Variants in WDPCP observed in about 807,000 individuals in gnomAD.
The protein encoded by WDPCP is WD repeat containing planar cell polarity effector.
Under a neutral mutation model 93.1 loss-of-function variants are expected in WDPCP, and 71 were observed. The ratio of observed to expected loss-of-function variants is 0.76; its 90% confidence interval spans 0.63 to 0.93. The LOEUF is 0.93. Ranked by LOEUF, WDPCP falls within the 40% of genes least tolerant of loss-of-function variation. The pLI is 0.00. For synonymous variants in WDPCP, 315 were observed against 315.0 expected, an observed-to-expected ratio of 1.00 and a Z score of 0.00; for missense variants, 844 against 887.4, an observed-to-expected ratio of 0.95 and a Z score of 0.62.
intron 15 of WDPCP, among the ~76,000 whole-genome samples, chr2:63,164,653 C>T (rs937181387): frequency 6.6e-6 from 1 of 152,214 alleles, no homozygotes; most frequent in South Asian, 2.1e-4. Flanking sequence ...TTATAAATTA[C>T]CCAGTCTCAG....
At chr2:63,721,821 G>A (rs2103790046) in intron 2 of WDPCP, among the ~76,000 whole-genome samples, 1 of 151,892 alleles carries the variant, frequency 6.6e-6, no homozygotes, top group South Asian at 2.1e-4. Flanking sequence ...TGCCATCTCG[G>A]CTCACTGCAA....
chr2:63,404,359 TGTGC>T lies in WDPCP; in HGVS notation c.1120_1123del (p.Ala374ArgfsTer8). 1 of 1,614,198 alleles carries T rather than the reference TGTGC, an allele frequency of 6.2e-7. No individual in the cohort carries two copies. Among genetic ancestry groups the T allele is most frequent in the Non-Finnish European group, 8.5e-7 (1 of 1,180,020 alleles). On this transcript the variant is annotated frameshift_variant, in exon 10 of 18. Transcript: ENST00000272321. LOFTEE classifies it high-confidence loss of function. ...TATTAATGAAGGCAAAAGTTCAGTC[TGTGC>T]TAAGAGAGTCACTCTACGGTGAGTT...
At chr2:63,297,585 A>G (rs1684968639) in intron 13 of WDPCP, among the ~76,000 whole-genome samples, 1 of 152,188 alleles carries the variant, frequency 6.6e-6, no homozygotes, top group African/African-American at 2.4e-5. Context: ...ACAAAAAAGA[A>G]TAACAAATAT....
chr2:63,799,747 C>T (rs1028742104), intron 2 of WDPCP, among the ~76,000 whole-genome samples: 1 of 152,044 alleles, frequency 6.6e-6, no homozygotes, highest in African/African-American at 2.4e-5. Context: ...GGCTGAAAGG[C>T]CAGATTTATC....
At chr2:63,681,755 G>A (rs1242645017) in intron 2 of WDPCP, among the ~76,000 whole-genome samples, 1 of 152,206 alleles carries the variant, frequency 6.6e-6, no homozygotes. Flanking sequence ...CTGGCTTCTA[G>A]TCTGACCAAG....
chr2:63,254,600 A>G (rs990938439), intron 14 of WDPCP, among the ~76,000 whole-genome samples: 5 of 152,160 alleles, frequency 3.3e-5, no homozygotes, highest in Non-Finnish European at 7.4e-5. Context: ...TCTTTTATCC[A>G]GTTTCTTCCA....
At chr2:63,207,201 AT>A (rs1676405591) in intron 14 of WDPCP, among the ~76,000 whole-genome samples, 1 of 152,176 alleles carries the variant, frequency 6.6e-6, no homozygotes, top group African/African-American at 2.4e-5. Context: ...TATCCAATAG[AT>A]TTCCTAGTAG....
At chr2:63,393,853 A>G (rs1477967889) in intron 10 of WDPCP, among the ~76,000 whole-genome samples, 1 of 152,184 alleles carries the variant, frequency 6.6e-6, no homozygotes, top group Non-Finnish European at 1.5e-5. Context: ...TTGTACTGGG[A>G]TAACTGGCTA....
chr2:63,363,238 G>A (rs1372003239), intron 12 of WDPCP, among the ~76,000 whole-genome samples: 1 of 152,012 alleles, frequency 6.6e-6, no homozygotes, highest in African/African-American at 2.4e-5. Flanking sequence ...TCCATATCTT[G>A]CAGATGGAAG....
intron 15 of WDPCP, among the ~76,000 whole-genome samples, chr2:63,158,681 T>A (rs1454456770): frequency 6.6e-6 from 1 of 152,152 alleles, no homozygotes; most frequent in African/African-American, 2.4e-5. Flanking sequence ...TCATGAATGT[T>A]AGACCTTTTG....
chr2:63,575,151 A>G (rs1414305300), intron 1 of WDPCP, among the ~76,000 whole-genome samples: 1 of 151,700 alleles, frequency 6.6e-6, no homozygotes, highest in Non-Finnish European at 1.5e-5. Context: ...CTAGGGGACA[A>G]CTACCATAAC....
At chr2:63,779,534 C>A (rs1670356859) in intron 2 of WDPCP, among the ~76,000 whole-genome samples, 1 of 152,142 alleles carries the variant, frequency 6.6e-6, no homozygotes, top group South Asian at 2.1e-4. Flanking sequence ...GGCTGAGAAG[C>A]AACACAGTGC....
intron 14 of WDPCP, among the ~76,000 whole-genome samples, chr2:63,244,012 A>G (rs888865661): frequency 1.4e-4 from 22 of 152,298 alleles, no homozygotes; most frequent in African/African-American, 5.3e-4. Context: ...TGAAAAAAAA[A>G]ATTAAAATCA....
chr2:63,696,367 T>G (rs1389029521), intron 2 of WDPCP, among the ~76,000 whole-genome samples: 1 of 152,174 alleles, frequency 6.6e-6, no homozygotes, highest in Non-Finnish European at 1.5e-5. Flanking sequence ...ATAAAGTTGT[T>G]CCATGAAGCC....
At chr2:63,241,029 CT>C (rs1679818647) in intron 14 of WDPCP, among the ~76,000 whole-genome samples, 1 of 152,148 alleles carries the variant, frequency 6.6e-6, no homozygotes, top group South Asian at 2.1e-4. Flanking sequence ...AAAATCCATA[CT>C]TATTCAATAA....
chr2:63,539,818 C>A (rs1704576938), intron 1 of WDPCP, among the ~76,000 whole-genome samples: 1 of 152,116 alleles, frequency 6.6e-6, no homozygotes, highest in Non-Finnish European at 1.5e-5. Flanking sequence ...ACCAATAATT[C>A]TATTAAGTAT....
chr2:63,148,787 G>A (rs1404182465), intron 17 of WDPCP, among the ~76,000 whole-genome samples: 2 of 152,058 alleles, frequency 1.3e-5, no homozygotes, highest in Non-Finnish European at 2.9e-5. Context: ...TTTACAAGAT[G>A]AGTCTGGGAC....
chr2:63,238,335 G>GTGAC (rs1222881266), intron 14 of WDPCP, among the ~76,000 whole-genome samples: 1 of 152,118 alleles, frequency 6.6e-6, no homozygotes, highest in Non-Finnish European at 1.5e-5. Context: ...ACTACTGCAT[G>GTGAC]TGACTACTGA....
chr2:63,278,942 G>A (rs1214096820), intron 13 of WDPCP, among the ~76,000 whole-genome samples: 4 of 152,146 alleles, frequency 2.6e-5, no homozygotes, highest in African/African-American at 7.2e-5. Flanking sequence ...AAACCAGGGA[G>A]ATATATAAAC....
Sources: gnomAD v4.1 joint callset for allele counts (sites outside exome capture counted in the v4.1 genomes callset) on GRCh38, gnomAD v4.1.1 for gene constraint, MANE v1.5 for transcripts, NCBI Gene and HGNC (gene_info 2026-07-23, HGNC 2026-07-21) for gene names.